The following SCN3A variants were observed in gnomAD, a reference collection of about 807,000 sequenced individuals.
The protein encoded by SCN3A is sodium voltage-gated channel alpha subunit 3, also known as sodium channel protein type 3 subunit alpha.
SCN3A carries 60 observed loss-of-function variants against 187.6 expected under a neutral mutation model. That is an observed-to-expected ratio of 0.32 (90% CI 0.26 to 0.40). The LOEUF is 0.40. SCN3A is among the 10% of genes least tolerant of loss of function. SCN3A has a pLI of 1.00. For synonymous variants in SCN3A, 788 were observed against 829.2 expected (o/e 0.95, Z 0.85); for missense variants, 1,601 against 2,428.2 (o/e 0.66, Z 7.16).
At chr2:165,143,135 A>T (rs1435647378) in intron 12 of SCN3A, among the ~76,000 whole-genome samples, 1 of 152,132 alleles carries the variant, frequency 6.6e-6, no homozygotes, top group African/African-American at 2.4e-5. Flanking sequence ...CAGATTTTGG[A>T]ATATGGATTC....
chr2:165,162,267 CAA>C, intron 9 of SCN3A, 39 bp downstream of exon 9: 3 of 1,535,518 alleles, frequency 2.0e-6, no homozygotes, highest in Non-Finnish European at 2.7e-6. Flanking sequence ...TTTTTTTTCG[CAA>C]AGAGTTCTAT....
At chr2:165,108,501 C>T (rs1685965148) in intron 21 of SCN3A, among the ~76,000 whole-genome samples, 1 of 152,100 alleles carries the variant, frequency 6.6e-6, no homozygotes, top group South Asian at 2.1e-4. Flanking sequence ...TACCTGTGAG[C>T]AATAAATACT....
chr2:165,146,790 G>A lies in SCN3A; in HGVS notation c.1620C>T (p.Ser540=). 4.3e-6 allele frequency: 7 copies of A among 1,613,990 alleles called. No homozygotes were observed. The highest frequency in any genetic ancestry group is 5.9e-6 in the Non-Finnish European group (7 of 1,179,932). ...DSVKRSSFLF[S]MDGNRLTSDK... ...CACTGGTCAGTCTGTTTCCATCCAT[G>A]GAGAAAAGGAAGCTGCTTCTTTTGA... The change falls in exon 12 of 28, where the codon TCC becomes TCT. Residue 540 remains serine (S), a synonymous_variant. Transcript: ENST00000283254.
At chr2:165,144,749 A>G (rs1559227500) in intron 12 of SCN3A, among the ~76,000 whole-genome samples, 2 of 151,318 alleles carry the variant, frequency 1.3e-5, no homozygotes, top group Admixed American at 6.6e-5. Flanking sequence ...TAACTTATTT[A>G]TTTTATTCAT....
rs2105626775 is a variant in SCN3A at position 165,092,380 on chromosome 2, T to C, written c.4681A>G (p.Ile1561Val). The C allele has an allele frequency of 1.2e-6, 2 of 1,613,976 alleles. No homozygotes were observed. The highest frequency in any genetic ancestry group is 1.7e-6 in the Non-Finnish European group (2 of 1,179,960). ...GKYMTLVLSRINLVFIVLFTG... is the reference protein window; with the variant it reads ...GKYMTLVLSRVNLVFIVLFTG... ...AACAGAACAATGAACACTAGGTTGA[T>C]CCGGGACAAAACTAGGGTCATGTAT... Residue 1561 changes from isoleucine to valine, a missense_variant, in exon 27 of 28, where the codon ATC (isoleucine) becomes GTC (valine). Ile to Val is a conservative substitution (Grantham distance 29, BLOSUM62 3). Coordinates refer to ENST00000283254, the MANE Select transcript of SCN3A (RefSeq NM_006922.4). This position sits in a 1 kb window ranked among gnomAD's most constrained non-coding sequence, Gnocchi z 4.2.
At chr2:165,102,322 G>A (rs1002739509) in intron 21 of SCN3A, among the ~76,000 whole-genome samples, 3 of 152,164 alleles carry the variant, frequency 2.0e-5, no homozygotes, top group Non-Finnish European at 2.9e-5. Context: ...ACCAGCCTGC[G>A]CAATAGAGTG....
At chr2:165,126,230 C>T (rs1686980657) in intron 18 of SCN3A, among the ~76,000 whole-genome samples, 1 of 152,152 alleles carries the variant, frequency 6.6e-6, no homozygotes, top group East Asian at 1.9e-4. Context: ...TTACTTTGTA[C>T]TCATATGTAT....
rs2105711357 is a variant in SCN3A at position 165,113,984 on chromosome 2, A to G, written c.3515-14T>C. On this transcript the variant is annotated splice_polypyrimidine_tract_variant and intron_variant, in intron 19 of 27. Coordinates refer to ENST00000283254, the MANE Select transcript of SCN3A (RefSeq NM_006922.4). ...TTTTAATACATCCTAAAAATCAAAT[A>G]TAGTTAATTAAAAAATATATTTTAA... 2.7e-6 allele frequency: 4 copies of G among 1,477,862 alleles called. No homozygotes were observed. Among genetic ancestry groups the G allele is most frequent in the South Asian group, 1.3e-5 (1 of 79,700 alleles). The allele number at this position is 1,477,862 out of a possible 1,614,324, so 91.5% of individuals were successfully genotyped here.
chr2:165,165,672 A>G (rs1689711987), intron 5 of SCN3A, among the ~76,000 whole-genome samples: 1 of 152,192 alleles, frequency 6.6e-6, no homozygotes, highest in Non-Finnish European at 1.5e-5. Context: ...CCAAGCCACA[A>G]AGATTTGATT....
intron 19 of SCN3A, 72 bp from the exon 20 acceptor site, chr2:165,114,042 C>T: frequency 1.1e-6 from 1 of 927,792 alleles, no homozygotes; most frequent in Non-Finnish European, 1.6e-6. Flanking sequence ...TTTCTTGCCC[C>T]TTCCCCACTC....
chr2:165,087,567 A>G lies in SCN3A; in HGVS notation c.*2583T>C, dbSNP rs1684891804. The G allele has an allele frequency of 6.6e-6, 1 of 152,214 alleles. No individual in the cohort carries two copies. Among genetic ancestry groups the G allele is most frequent in the South Asian group, 2.1e-4 (1 of 4,830 alleles). The allele number at this position is 152,214 out of a possible 1,614,324, so 9.4% of individuals were successfully genotyped here. On this transcript the variant is annotated 3_prime_UTR_variant, in exon 28 of 28. Transcript: ENST00000283254. Reference sequence around the variant, plus strand: ...ATTTATTATGGGAGAATTATGAAATACATATTTAGATCCAAATTGTCTTTA... The same window carrying G: ...ATTTATTATGGGAGAATTATGAAATGCATATTTAGATCCAAATTGTCTTTA...
intron 21 of SCN3A, among the ~76,000 whole-genome samples, chr2:165,110,283 T>C (rs1270450942): frequency 2.6e-5 from 4 of 152,214 alleles, no homozygotes; most frequent in Non-Finnish European, 5.9e-5. Flanking sequence ...ATATGATCCT[T>C]TATAAGGTAC....
At chr2:165,144,815 T>C (rs1408873898) in intron 12 of SCN3A, among the ~76,000 whole-genome samples, 2 of 152,194 alleles carry the variant, frequency 1.3e-5, no homozygotes, top group African/African-American at 4.8e-5. Flanking sequence ...GTCTCTTTTA[T>C]TCTTTGAGGT....
rs149404158 is a variant in SCN3A, at chr2:165,101,133, A to G, written c.3844-709T>C. On this transcript the variant is annotated intron_variant, in intron 21 of 27. Coordinates refer to ENST00000283254, the MANE Select transcript of SCN3A (RefSeq NM_006922.4). Reference sequence around the variant, plus strand: ...AATCTAAAACGCTTTGAATGCTAACATGACACTCAAAAGAAATGCCCATTG... The same window carrying G: ...AATCTAAAACGCTTTGAATGCTAACGTGACACTCAAAAGAAATGCCCATTG... Among the ~76,000 whole-genome samples, 179 of 152,338 alleles carry G rather than the reference A, an allele frequency of 1.2e-3. 1 individual carries two copies. The highest frequency in any genetic ancestry group is 4.1e-3 in the African/African-American group (170 of 41,588).
chr2:165,112,432 A>C (rs943085333), intron 21 of SCN3A, among the ~76,000 whole-genome samples: 1 of 152,184 alleles, frequency 6.6e-6, no homozygotes, highest in African/African-American at 2.4e-5. Context: ...ACATGGGTTA[A>C]TTTCACAGTA....
intron 11 of SCN3A, among the ~76,000 whole-genome samples, chr2:165,149,584 A>AT (rs1688570995): frequency 6.6e-6 from 1 of 152,182 alleles, no homozygotes; most frequent in South Asian, 2.1e-4. Context: ...CCTCAGACAC[A>AT]TTTTCTGTGT....
At chr2:165,138,645 G>C (rs1056609311) in intron 14 of SCN3A, among the ~76,000 whole-genome samples, 3 of 151,976 alleles carry the variant, frequency 2.0e-5, no homozygotes, top group African/African-American at 7.2e-5. Flanking sequence ...ATCTACTTTT[G>C]TGGTTTGTAC....
chr2:165,173,278 T>C (rs957963027), intron 3 of SCN3A, among the ~76,000 whole-genome samples: 23 of 152,196 alleles, frequency 1.5e-4, no homozygotes, highest in African/African-American at 5.5e-4. Context: ...AAGCATAGTA[T>C]ATAATTTCAC....
chr2:165,127,595 T>C (rs1687067376), intron 18 of SCN3A, 36 bp downstream of exon 18: 1 of 1,523,624 alleles, frequency 6.6e-7, no homozygotes, highest in South Asian at 1.1e-5. Context: ...ATGGTTATCA[T>C]AGGAAATGGA....
Sources: allele counts gnomAD v4.1 joint callset (sites outside exome capture counted in the v4.1 genomes callset), GRCh38; gene constraint gnomAD v4.1.1; non-coding constraint Gnocchi (gnomAD v3.1); transcripts MANE v1.5; gene names NCBI Gene and HGNC (gene_info 2026-07-23, HGNC 2026-07-21).